SMAD5: variants seen among roughly 807,000 people sequenced by gnomAD.
SMAD5 encodes MAD, mothers against decapentaplegic homolog 5.
SMAD5 carries 9 observed loss-of-function variants against 43.1 expected under a neutral mutation model. The observed-to-expected ratio is 0.21, with a 90% CI of 0.13 to 0.36. The LOEUF (loss-of-function observed/expected upper bound fraction) is 0.36. Among genes scored for constraint, SMAD5 ranks in the 10% least tolerant of loss-of-function variants. SMAD5 has a pLI of 1.00. For synonymous variants in SMAD5, 190 were observed against 192.4 expected (o/e 0.99, Z 0.10); for missense variants, 348 against 574.0 (o/e 0.61, Z 4.02).
intron 3 of SMAD5, among the ~76,000 whole-genome samples, chr5:136,155,710 A>G (rs1298725493): frequency 1.3e-5 from 2 of 152,082 alleles, no homozygotes; most frequent in Non-Finnish European, 1.5e-5. Flanking sequence ...ACATTTTCTC[A>G]TTCCATTCAG....
At chr5:136,136,777 A>G (rs540985883) in intron 1 of SMAD5, among the ~76,000 whole-genome samples, 5 of 151,670 alleles carry the variant, frequency 3.3e-5, no homozygotes, top group Non-Finnish European at 5.9e-5. Flanking sequence ...ACTCACTGCA[A>G]TTCTGCCTCC....
chr5:136,137,904 T>C (rs998053180), intron 1 of SMAD5, among the ~76,000 whole-genome samples: 2 of 152,240 alleles, frequency 1.3e-5, no homozygotes, highest in South Asian at 2.1e-4. Context: ...CTGTAATATA[T>C]GTCGTGTACA....
intron 3 of SMAD5, among the ~76,000 whole-genome samples, chr5:136,156,276 G>A (rs7701291): frequency 2.8e-4 from 43 of 151,894 alleles, no homozygotes; most frequent in African/African-American, 9.2e-4. Flanking sequence ...TCATACATAC[G>A]CTGTCACCTT....
Position 136,154,288 on chromosome 5 carries a change from C to A in SMAD5, c.403+125C>A, listed in dbSNP as rs943132187. 4.0e-5 allele frequency: 25 copies of A among 627,030 alleles called. No homozygotes were observed. The African/African-American group carries it at 4.4e-4, about 11-fold the overall frequency. 38.8% of individuals were successfully genotyped at this position (627,030 alleles called of 1,614,324 possible). A position where few individuals can be genotyped will look rare whatever the true frequency, so the allele number is the denominator to read the frequency against. ...GCTTTGTGTTTCCATCTTAAATATT[C>A]TAATCTTGGAAGGGCTATTGGATTT... On this transcript the variant is annotated intron_variant, in intron 3 of 7. Coordinates refer to ENST00000545279, the MANE Select transcript of SMAD5 (RefSeq NM_005903.7).
At chr5:136,168,262 T>C (rs1377861623) in intron 5 of SMAD5, among the ~76,000 whole-genome samples, 1 of 152,224 alleles carries the variant, frequency 6.6e-6, no homozygotes, top group Admixed American at 6.5e-5. Flanking sequence ...GTGTCTATTA[T>C]GAGTTACTGA....
chr5:136,135,676 T>G (rs1258929918), intron 1 of SMAD5, among the ~76,000 whole-genome samples: 1 of 152,224 alleles, frequency 6.6e-6, no homozygotes, highest in Non-Finnish European at 1.5e-5. Context: ...CTCTTTTTGT[T>G]TATGACATAT....
intron 5 of SMAD5, 75 bp from the exon 6 acceptor site, chr5:136,172,359 G>T: frequency 1.2e-6 from 1 of 852,892 alleles, no homozygotes; most frequent in Non-Finnish European, 1.8e-6. Context: ...CTTGGGTTGG[G>T]TTAAAAGATA....
rs1182196505 is a variant in SMAD5, at chr5:136,180,492, T to C, written c.*3012T>C. 6 of 152,228 alleles carry C rather than the reference T, an allele frequency of 3.9e-5. No homozygotes were observed. The highest frequency in any genetic ancestry group is 4.1e-4 in the South Asian group (2 of 4,824). The allele number at this position is 152,228 out of a possible 1,614,324, so 9.4% of individuals were successfully genotyped here. ...ATATTGATTGGCAAAAAGCAAGATA[T>C]AAGAGATTCATTTGCTTAACATTTC... On this transcript the variant is annotated 3_prime_UTR_variant, in exon 8 of 8. Coordinates refer to ENST00000545279, the MANE Select transcript of SMAD5 (RefSeq NM_005903.7).
At chr5:136,176,937 A>C (rs917307474) in intron 7 of SMAD5, among the ~76,000 whole-genome samples, 1 of 152,098 alleles carries the variant, frequency 6.6e-6, no homozygotes, top group African/African-American at 2.4e-5. Context: ...TATCTTGTCT[A>C]CAGTAATTAT....
At chr5:136,168,199 G>A (rs924502561) in intron 5 of SMAD5, among the ~76,000 whole-genome samples, 4 of 152,108 alleles carry the variant, frequency 2.6e-5, no homozygotes, top group African/African-American at 9.7e-5. Flanking sequence ...CTTGATTTCA[G>A]CTCCAGGAAG....
At chr5:136,174,283 G>A (rs1754327874) in intron 6 of SMAD5, 93 bp from the exon 7 acceptor site, 1 of 1,198,458 alleles carries the variant, frequency 8.3e-7, no homozygotes, top group East Asian at 2.4e-5. Flanking sequence ...AGTTTGCTGT[G>A]GATTAATGGG....
rs1754559645 is a variant in SMAD5, at chr5:136,179,802, T to C, written c.*2322T>C. On this transcript the variant is annotated 3_prime_UTR_variant, in exon 8 of 8. Coordinates refer to ENST00000545279, the MANE Select transcript of SMAD5 (RefSeq NM_005903.7). ...TTATGGCATGATCTCTGGAACAAAT[T>C]TGTAGGAAAAAATTACTCCAATTGA... 1 of 129,862 alleles carries C rather than the reference T, an allele frequency of 7.7e-6. No individual in the cohort carries two copies. Among genetic ancestry groups the C allele is most frequent in the South Asian group, 2.2e-4 (1 of 4,560 alleles). 8.0% of individuals were successfully genotyped at this position (129,862 alleles called of 1,614,324 possible).
chr5:136,151,378 A>G (rs1253494451), intron 2 of SMAD5, among the ~76,000 whole-genome samples: 1 of 152,096 alleles, frequency 6.6e-6, no homozygotes, highest in African/African-American at 2.4e-5. Context: ...TCAGGAGGTG[A>G]CCTTTGAACA....
chr5:136,162,250 C>T (rs186505360), intron 4 of SMAD5, among the ~76,000 whole-genome samples: 1 of 152,130 alleles, frequency 6.6e-6, no homozygotes, highest in African/African-American at 2.4e-5. Flanking sequence ...AGAGGAAACT[C>T]GGGTAACCAG....
intron 2 of SMAD5, among the ~76,000 whole-genome samples, chr5:136,151,261 C>G (rs1753448944): frequency 1.3e-5 from 2 of 151,938 alleles, no homozygotes; most frequent in South Asian, 2.1e-4. Context: ...AATGTAATAT[C>G]AGATTAGGGT....
At chr5:136,169,806 C>T (rs1754149861) in intron 5 of SMAD5, among the ~76,000 whole-genome samples, 1 of 152,090 alleles carries the variant, frequency 6.6e-6, no homozygotes, top group Non-Finnish European at 1.5e-5. Flanking sequence ...TGGATTTTGG[C>T]CATTCTAATA....
At chr5:136,154,202 A>G (rs10479111) in intron 3 of SMAD5, 39 bp downstream of exon 3, 420,468 of 1,337,464 alleles carry the variant, frequency 0.31, 68,179 homozygotes, top group African/African-American at 0.53. Flanking sequence ...AAAAACAAAA[A>G]CAAAAAACCT....
chr5:136,174,768 T>C (rs1580802967), intron 7 of SMAD5, 136 bp downstream of exon 7: 2 of 615,168 alleles, frequency 3.3e-6, no homozygotes, highest in South Asian at 2.2e-5. Flanking sequence ...TAAATAAAAT[T>C]ATTGAATTTG....
At chr5:136,144,503 A>G (rs141687558) in intron 1 of SMAD5, among the ~76,000 whole-genome samples, 9 of 152,036 alleles carry the variant, frequency 5.9e-5, no homozygotes, top group African/African-American at 4.8e-5. Flanking sequence ...GTTTATTGCA[A>G]AAGAAAATAG....
Sources: gnomAD v4.1 joint callset for allele counts (sites outside exome capture counted in the v4.1 genomes callset) on GRCh38, gnomAD v4.1.1 for gene constraint, MANE v1.5 for transcripts, NCBI Gene and HGNC (gene_info 2026-07-23, HGNC 2026-07-21) for gene names.